BIRC5: variants seen among roughly 807,000 people sequenced by gnomAD.
The protein encoded by BIRC5 is baculoviral IAP repeat-containing protein 5.
A neutral mutation model predicts 15.8 loss-of-function variants in BIRC5; 8 were observed. The ratio of observed to expected loss-of-function variants is 0.51; its 90% CI spans 0.30 to 0.91. BIRC5 has a LOEUF of 0.91. Among genes scored for constraint, BIRC5 ranks in the 40% least tolerant of loss-of-function variants. The pLI, the probability that BIRC5 is intolerant of heterozygous loss-of-function variation, is 0.07. For synonymous variants in BIRC5, 56 were observed against 64.5 expected (o/e 0.87, Z 0.63); for missense variants, 163 against 178.6 (o/e 0.91, Z 0.50).
At chr17:78,220,427 CAAA>C (rs33943536) in intron 3 of BIRC5, among the ~76,000 whole-genome samples, 58,006 of 132,768 alleles carry the variant, frequency 0.44, 11,849 homozygotes, top group African/African-American at 0.52. Flanking sequence ...GACTCCGTCT[CAAA>C]AAAAAAAAAA....
At position 78,214,285 on chromosome 17, in the gene BIRC5, CG is replaced by C; in HGVS notation, c.-29del. ...GCCATTAACCGCCAGATTTGAATCG[CG>C]GGACCCGTTGGCAGAGGTGGCGGCG... On this transcript the variant is annotated 5_prime_UTR_variant, in exon 1 of 4. Transcript: ENST00000350051. 1 of 1,576,672 alleles carries C rather than the reference CG, an allele frequency of 6.3e-7. No individual in the cohort carries two copies. The highest frequency in any genetic ancestry group is 8.6e-7 in the Non-Finnish European group (1 of 1,157,596).
Position 78,214,771 on chromosome 17 carries a change from A to G in BIRC5, c.203A>G (p.Glu68Gly), listed in dbSNP as rs2076465866. The change falls in exon 2 of 4, where the codon GAG (glutamate) becomes GGG (glycine). Residue 68 changes from glutamate to glycine, a missense_variant. Transcript: ENST00000350051. ...TGCTTCAAGGAGCTGGAAGGCTGGG[A>G]GCCAGATGACGACCCCATGTAAGTC... ...FFCFKELEGW[E>G]PDDDPIEEHK... 6.2e-7 allele frequency: 1 copy of G among 1,613,014 alleles called. No individual in the cohort carries two copies. The highest frequency in any genetic ancestry group is 8.5e-7 in the Non-Finnish European group (1 of 1,179,566).
Position 78,223,749 on chromosome 17 carries a change from G to C in BIRC5, c.*195G>C. On this transcript the variant is annotated 3_prime_UTR_variant, in exon 4 of 4. Coordinates refer to ENST00000350051, the MANE Select transcript of BIRC5 (RefSeq NM_001168.3). ...CCAGAGGTGCTTCTGCCTGTGCAGCGGGTGCTGCTGGTAACAGTGGCTGCT... is the reference window on the plus strand; with the variant it reads ...CCAGAGGTGCTTCTGCCTGTGCAGCCGGTGCTGCTGGTAACAGTGGCTGCT... 1 of 1,225,188 alleles carries C rather than the reference G, an allele frequency of 8.2e-7. No homozygotes were observed. Among genetic ancestry groups the C allele is most frequent in the Non-Finnish European group, 1.1e-6 (1 of 929,836 alleles). 75.9% of individuals were successfully genotyped at this position (1,225,188 alleles called of 1,614,324 possible). A position where few individuals can be genotyped will look rare whatever the true frequency, so the allele number is the denominator to read the frequency against.
chr17:78,224,051 G>GTGTTTTTTTTTT lies in BIRC5; in HGVS notation c.*498_*499insGTTTTTTTTTTT, dbSNP rs1567867388. 1 of 114,834 alleles carries GTGTTTTTTTTTT rather than the reference G, an allele frequency of 8.7e-6. No individual in the cohort carries two copies. The allele number at this position is 114,834 out of a possible 1,614,324, so 7.1% of individuals were successfully genotyped here. On this transcript the variant is annotated 3_prime_UTR_variant, in exon 4 of 4. Transcript: ENST00000350051. ...CTCCTCAGAGGACAGTTTTTTTGTT[G>GTGTTTTTTTTTT]TTGTGTTTTTTTGTTTTTTTTTTTT... is the stretch of plus-strand genomic sequence containing the variant.
intron 3 of BIRC5, chr17:78,222,977 G>C: frequency 6.7e-7 from 1 of 1,495,052 alleles, no homozygotes; most frequent in Non-Finnish European, 8.8e-7. Flanking sequence ...TTTCCTCCAG[G>C]AGTTTCAGGA....
intron 3 of BIRC5, among the ~76,000 whole-genome samples, chr17:78,220,670 A>G (rs149579128): frequency 0.016 from 2,397 of 152,238 alleles, 26 homozygotes; most frequent in Middle Eastern, 0.031. Context: ...CAGAATACAG[A>G]ATACTTTTAT....
Position 78,225,192 on chromosome 17 carries a change from C to T in BIRC5, c.*1638C>T, listed in dbSNP as rs575572774. On this transcript the variant is annotated 3_prime_UTR_variant, in exon 4 of 4. Coordinates refer to ENST00000350051, the MANE Select transcript of BIRC5 (RefSeq NM_001168.3). ...GATGTGGATCTCGGCTTCTGTGAGC[C>T]TGTGCTGTGGGCAGGGCTGAGCTGG... The T allele has an allele frequency of 6.7e-6, 1 of 148,312 alleles. No individual in the cohort carries two copies. The highest frequency in any genetic ancestry group is 1.5e-5 in the Non-Finnish European group (1 of 66,578). 9.2% of individuals were successfully genotyped at this position (148,312 alleles called of 1,614,324 possible).
intron 3 of BIRC5, 120 bp downstream of exon 3, chr17:78,216,901 T>TA: frequency 1.4e-6 from 1 of 704,042 alleles, no homozygotes; most frequent in Non-Finnish European, 2.3e-6. Context: ...TTTTCTGAGA[T>TA]AGAGTTTCAC....
chr17:78,221,034 T>C (rs919608510), intron 3 of BIRC5, among the ~76,000 whole-genome samples: 39 of 152,334 alleles, frequency 2.6e-4, no homozygotes, highest in Middle Eastern at 3.4e-3. Flanking sequence ...GGGCGATGCA[T>C]TGGGCGCTGA....
Position 78,223,533 on chromosome 17 carries a change from G to A in BIRC5, c.408G>A (p.Glu136=). The stretch of plus-strand genomic sequence containing the variant: ...CGGAGAAAGTGCGCCGTGCCATCGA[G>A]CAGCTGGCTGCCATGGATTGAGGCC... ...ETAEKVRRAI[E]QLAAMD is the part of the protein sequence containing the mutation. Residue 136 remains glutamate (E), a synonymous_variant, in exon 4 of 4, where the codon GAG becomes GAA. Transcript: ENST00000350051. 1.2e-6 allele frequency: 2 copies of A among 1,613,400 alleles called. No homozygotes were observed. Among genetic ancestry groups the A allele is most frequent in the Non-Finnish European group, 1.7e-6 (2 of 1,179,652 alleles).
intron 3 of BIRC5, among the ~76,000 whole-genome samples, chr17:78,217,732 C>T (rs540734915): frequency 6.7e-6 from 1 of 149,780 alleles, no homozygotes; most frequent in South Asian, 2.1e-4. Flanking sequence ...CTCCTGACCT[C>T]GTGATCTGCC....
At chr17:78,215,588 T>C (rs1407523683) in intron 2 of BIRC5, among the ~76,000 whole-genome samples, 4 of 152,214 alleles carry the variant, frequency 2.6e-5, no homozygotes, top group African/African-American at 9.6e-5. Flanking sequence ...TCTGTCGGAT[T>C]CAGTTGCTTC....
intron 2 of BIRC5, chr17:78,216,150 G>A (rs1048646183): frequency 5.6e-6 from 1 of 178,738 alleles, no homozygotes; most frequent in Non-Finnish European, 1.1e-5. Flanking sequence ...TCGGGAGGCT[G>A]AGGCAGGAGA....
At chr17:78,220,996 G>A (rs2076511497) in intron 3 of BIRC5, among the ~76,000 whole-genome samples, 1 of 152,250 alleles carries the variant, frequency 6.6e-6, no homozygotes, top group South Asian at 2.1e-4. Context: ...GGAGGGCGCT[G>A]CTGTGGAAGC....
At chr17:78,221,420 T>TA (rs1184341888) in intron 3 of BIRC5, among the ~76,000 whole-genome samples, 3 of 151,220 alleles carry the variant, frequency 2.0e-5, no homozygotes, top group Non-Finnish European at 2.9e-5. Flanking sequence ...CTGGCTAATT[T>TA]TAAATTTTTT....
chr17:78,224,064 G>GT lies in BIRC5; in HGVS notation c.*523dup, dbSNP rs571445307. On this transcript the variant is annotated 3_prime_UTR_variant, in exon 4 of 4. Coordinates refer to ENST00000350051, the MANE Select transcript of BIRC5 (RefSeq NM_001168.3). The stretch of plus-strand genomic sequence containing the variant: ...AGTTTTTTTGTTGTTGTGTTTTTTT[G>GT]TTTTTTTTTTTTTGGTAGATGCATG... 0.019 allele frequency: 1,397 copies of GT among 73,170 alleles called. 14 individuals are homozygous for GT. The highest frequency in any genetic ancestry group is 0.076 in the African/African-American group (1,079 of 14,274). The allele number at this position is 73,170 out of a possible 1,614,324, so 4.5% of individuals were successfully genotyped here.
chr17:78,216,482 G>A (rs1340662277), intron 2 of BIRC5, 182 bp from the exon 3 acceptor site: 2 of 588,996 alleles, frequency 3.4e-6, no homozygotes, highest in African/African-American at 3.7e-5. Context: ...AAGGTGCTAA[G>A]AGGTGCCATA....
chr17:78,219,900 G>A (rs1255400191), intron 3 of BIRC5, among the ~76,000 whole-genome samples: 1 of 152,192 alleles, frequency 6.6e-6, no homozygotes, highest in African/African-American at 2.4e-5. Flanking sequence ...TGGGCACAGG[G>A]GAGGAGCAGA....
At chr17:78,222,722 T>G in intron 3 of BIRC5, 1 of 1,417,286 alleles carries the variant, frequency 7.1e-7, no homozygotes. Flanking sequence ...TTTAACCCAA[T>G]AAAGGTCTTT....
Sources: gnomAD v4.1 joint callset for allele counts (sites outside exome capture counted in the v4.1 genomes callset) on GRCh38, gnomAD v4.1.1 for gene constraint, MANE v1.5 for transcripts, NCBI Gene and HGNC (gene_info 2026-07-23, HGNC 2026-07-21) for gene names.